ADGRG6: variants seen among roughly 807,000 people sequenced by gnomAD.
ADGRG6 encodes the protein adhesion G protein-coupled receptor G6, also known as G-protein coupled receptor 126.
In ADGRG6, 84 loss-of-function variants were observed where a neutral mutation model predicts 142.4. That is an observed-to-expected ratio of 0.59 (90% CI 0.49 to 0.71). ADGRG6 has a LOEUF of 0.71. Ranked by LOEUF, ADGRG6 falls within the 30% of genes least tolerant of loss-of-function variation. ADGRG6 has a pLI of 0.00. For synonymous variants in ADGRG6, 521 were observed against 520.5 expected (o/e 1.00, Z -0.01); for missense variants, 1,367 against 1,466.6 (o/e 0.93, Z 1.11).
chr6:142,439,220 A>G (rs1777627441), intron 24 of ADGRG6, among the ~76,000 whole-genome samples: 1 of 152,210 alleles, frequency 6.6e-6, no homozygotes. Context: ...TCATGTTTTC[A>G]AAGGGAAATA....
At chr6:142,311,208 A>C (rs1278890277) in intron 2 of ADGRG6, among the ~76,000 whole-genome samples, 1 of 151,936 alleles carries the variant, frequency 6.6e-6, no homozygotes, top group Non-Finnish European at 1.5e-5. Flanking sequence ...CACCAGAATC[A>C]AAGTACTTAC....
At position 142,442,161 on chromosome 6, in the gene ADGRG6, G is replaced by A. The variant is rs567704817; in HGVS notation, c.3575-1176G>A. Among the ~76,000 whole-genome samples the A allele has an allele frequency of 2.4e-4, 36 of 152,258 alleles. No individual in the cohort carries two copies. In the South Asian group the frequency reaches 6.6e-3, roughly 28 times the overall value. ...CATACTCAAAATGTAAAAAGCATTG[G>A]AGTGAAGATTCCAATTTTAGAGCCA... is the stretch of plus-strand genomic sequence containing the variant. On this transcript the variant is annotated intron_variant, in intron 24 of 24. Transcript: ENST00000367609.
chr6:142,337,286 A>T (rs1163628509), intron 2 of ADGRG6, among the ~76,000 whole-genome samples: 3 of 152,204 alleles, frequency 2.0e-5, no homozygotes, highest in African/African-American at 7.2e-5. Context: ...AAGAGTTTCC[A>T]CCTATTGGAA....
At chr6:142,310,013 G>A (rs895132080) in intron 2 of ADGRG6, among the ~76,000 whole-genome samples, 1 of 151,612 alleles carries the variant, frequency 6.6e-6, no homozygotes, top group African/African-American at 2.4e-5. Context: ...AAGTTTTCAT[G>A]TAGTTATTTA....
At chr6:142,378,029 G>A (rs1328138292) in intron 4 of ADGRG6, among the ~76,000 whole-genome samples, 1 of 152,136 alleles carries the variant, frequency 6.6e-6, no homozygotes, top group Non-Finnish European at 1.5e-5. Context: ...TCCCCAGAAG[G>A]AACAGCTAAC....
intron 17 of ADGRG6, among the ~76,000 whole-genome samples, 196 bp from the exon 18 acceptor site, chr6:142,411,109 A>T (rs1048556359): frequency 2.6e-5 from 4 of 152,156 alleles, no homozygotes; most frequent in Non-Finnish European, 5.9e-5. Flanking sequence ...CTAACTGCCC[A>T]CCCAGAGCTA....
chr6:142,328,242 G>T (rs1163300038), intron 2 of ADGRG6, among the ~76,000 whole-genome samples: 3 of 152,046 alleles, frequency 2.0e-5, no homozygotes, highest in African/African-American at 4.8e-5. Flanking sequence ...TTGCTGTGTT[G>T]TCCAGGCTGA....
intron 7 of ADGRG6, 28 bp from the exon 8 acceptor site, chr6:142,392,920 A>G: frequency 6.5e-7 from 1 of 1,544,044 alleles, no homozygotes; most frequent in Non-Finnish European, 8.9e-7. Flanking sequence ...TATTAGCAAA[A>G]CTCAGCCTTT....
At chr6:142,331,280 C>T (rs1225222326) in intron 2 of ADGRG6, among the ~76,000 whole-genome samples, 2 of 152,080 alleles carry the variant, frequency 1.3e-5, no homozygotes, top group African/African-American at 4.8e-5. Flanking sequence ...CCCCTCCCCT[C>T]TGAATCTTAT....
At chr6:142,397,017 A>G (rs542292774) in intron 9 of ADGRG6, among the ~76,000 whole-genome samples, 22 of 152,124 alleles carry the variant, frequency 1.4e-4, no homozygotes, top group Non-Finnish European at 2.6e-4. Context: ...CTGACCAATC[A>G]CAGAGTCGAT....
chr6:142,438,742 G>A (rs1355626113), intron 24 of ADGRG6, among the ~76,000 whole-genome samples: 5 of 151,990 alleles, frequency 3.3e-5, no homozygotes, highest in Non-Finnish European at 5.9e-5. Context: ...GTTGTCTTGG[G>A]AACAGGAAGA....
chr6:142,422,670 G>T (rs1428855742), intron 22 of ADGRG6, among the ~76,000 whole-genome samples: 2 of 148,492 alleles, frequency 1.3e-5, no homozygotes, highest in African/African-American at 2.5e-5. Flanking sequence ...AGTCCTTTGG[G>T]TATATACCCA....
chr6:142,368,630 T>C (rs942547085), intron 3 of ADGRG6, among the ~76,000 whole-genome samples: 11 of 152,082 alleles, frequency 7.2e-5, no homozygotes, highest in African/African-American at 2.4e-4. Flanking sequence ...GTTATACTTT[T>C]TTTTCTTCTG....
chr6:142,397,551 C>T, intron 9 of ADGRG6, 62 bp from the exon 10 acceptor site: 1 of 1,506,632 alleles, frequency 6.6e-7, no homozygotes, highest in Non-Finnish European at 9.1e-7. Flanking sequence ...CTCTGTTTCT[C>T]CTACCAAATG....
intron 22 of ADGRG6, among the ~76,000 whole-genome samples, chr6:142,428,503 A>G (rs984963100): frequency 6.6e-6 from 1 of 152,154 alleles, no homozygotes; most frequent in African/African-American, 2.4e-5. Flanking sequence ...TCACACTGCT[A>G]TATAGAACTT....
At chr6:142,326,336 G>C (rs1410397963) in intron 2 of ADGRG6, among the ~76,000 whole-genome samples, 3 of 151,388 alleles carry the variant, frequency 2.0e-5, no homozygotes, top group Admixed American at 1.3e-4. Flanking sequence ...TTCTTAATAA[G>C]TGATTTCTAG....
intron 24 of ADGRG6, among the ~76,000 whole-genome samples, chr6:142,440,269 T>C (rs1420671936): frequency 6.6e-6 from 1 of 152,090 alleles, no homozygotes; most frequent in Non-Finnish European, 1.5e-5. Flanking sequence ...CATTTTGTTT[T>C]ATTTCATCTA....
chr6:142,313,832 T>G (rs891534709), intron 2 of ADGRG6, among the ~76,000 whole-genome samples: 3 of 152,262 alleles, frequency 2.0e-5, no homozygotes, highest in Admixed American at 1.3e-4. Context: ...AAATCAAAGT[T>G]TGGTCAGAGG....
In ADGRG6 at chr6:142,438,383, T is replaced by C. The variant is rs768233015; in HGVS notation, c.3574+19T>C. On this transcript the variant is annotated intron_variant, in intron 24 of 24. Transcript: ENST00000367609. Reference sequence around the variant, plus strand: ...CACACAGGTGAGTCTAAAGATGTCCTCAAGTTTAGTTCTCATCACATTTTC... The same window carrying C: ...CACACAGGTGAGTCTAAAGATGTCCCCAAGTTTAGTTCTCATCACATTTTC... The C allele has an allele frequency of 6.5e-7, 1 of 1,541,704 alleles. No individual in the cohort carries two copies. The highest frequency in any genetic ancestry group is 1.2e-5 in the South Asian group (1 of 81,112).
Sources: gnomAD v4.1 joint callset for allele counts (sites outside exome capture counted in the v4.1 genomes callset) on GRCh38, gnomAD v4.1.1 for gene constraint, MANE v1.5 for transcripts, NCBI Gene and HGNC (gene_info 2026-07-23, HGNC 2026-07-21) for gene names.